The following DNAH12 variants were observed in gnomAD, a reference collection of about 807,000 sequenced individuals.
DNAH12 encodes dynein axonemal heavy chain 12.
DNAH12 carries 285 observed loss-of-function variants against 371.5 expected under a neutral mutation model. The observed-to-expected ratio is 0.77, with a 90% CI of 0.70 to 0.85. The LOEUF is 0.85. DNAH12 is among the 40% of genes least tolerant of loss of function. DNAH12 has a pLI of 0.00. For synonymous variants in DNAH12, 1,200 were observed against 1,213.0 expected (o/e 0.99, Z 0.22); for missense variants, 3,611 against 3,689.4 (o/e 0.98, Z 0.55).
At chr3:57,301,685 CA>C in intron 70 of DNAH12, 49 bp downstream of exon 70, 3 of 94,964 alleles carry the variant, frequency 3.2e-5, no homozygotes, top group Non-Finnish European at 4.2e-5. Flanking sequence ...TTTACACACA[CA>C]CACACACACA....
At chr3:57,298,660 T>C (rs566561817) in intron 70 of DNAH12, among the ~76,000 whole-genome samples, 7 of 152,384 alleles carry the variant, frequency 4.6e-5, no homozygotes, top group Admixed American at 4.6e-4. Context: ...TTCTTTGCAG[T>C]ATCTAAACCA....
chr3:57,513,284 G>T (rs764776207), intron 4 of DNAH12, among the ~76,000 whole-genome samples: 8 of 152,034 alleles, frequency 5.3e-5, no homozygotes, highest in Non-Finnish European at 1.0e-4. Flanking sequence ...ACCAAACACC[G>T]CATGTTCTCA....
intron 45 of DNAH12, among the ~76,000 whole-genome samples, chr3:57,390,450 T>TATATATATATATATATATATAC (rs1559608977): frequency 1.3e-4 from 6 of 46,500 alleles, no homozygotes; most frequent in East Asian, 3.1e-3. Context: ...TATATATATA[T>TATATATATATATATATATATAC]ACTTAGACCA....
chr3:57,454,544 G>A (rs918800068), intron 23 of DNAH12, among the ~76,000 whole-genome samples: 19 of 151,736 alleles, frequency 1.3e-4, no homozygotes, highest in Admixed American at 8.5e-4. Flanking sequence ...CAGACGTATT[G>A]TCTTTGCAAA....
chr3:57,396,902 A>T (rs1434394748), intron 43 of DNAH12, among the ~76,000 whole-genome samples: 1 of 152,188 alleles, frequency 6.6e-6, no homozygotes, highest in African/African-American at 2.4e-5. Flanking sequence ...ACGGGCACCT[A>T]TAATTCCAGC....
chr3:57,406,276 G>A (rs1002357441), intron 40 of DNAH12, among the ~76,000 whole-genome samples: 1 of 151,466 alleles, frequency 6.6e-6, no homozygotes, highest in East Asian at 1.9e-4. Flanking sequence ...GCTTGAACCC[G>A]GGAGGTGGAG....
chr3:57,354,086 A>G (rs1337415707), intron 59 of DNAH12, among the ~76,000 whole-genome samples: 1 of 152,008 alleles, frequency 6.6e-6, no homozygotes, highest in Non-Finnish European at 1.5e-5. Context: ...TCATCACAGT[A>G]CTATTCACAA....
At chr3:57,534,345 G>A (rs1330497004) in intron 2 of DNAH12, among the ~76,000 whole-genome samples, 1 of 151,896 alleles carries the variant, frequency 6.6e-6, no homozygotes, top group Admixed American at 6.6e-5. Flanking sequence ...TGATTTTTTG[G>A]TTCTTATGAA....
chr3:57,334,662 A>G, intron 61 of DNAH12, 53 bp from the exon 62 acceptor site: 3 of 1,514,468 alleles, frequency 2.0e-6, no homozygotes, highest in Non-Finnish European at 2.6e-6. Flanking sequence ...AACTTAAAAG[A>G]GATTGTTGAA....
chr3:57,381,389 C>A (rs898653449), intron 50 of DNAH12, among the ~76,000 whole-genome samples: 2 of 151,704 alleles, frequency 1.3e-5, no homozygotes, highest in Non-Finnish European at 2.9e-5. Flanking sequence ...ATTAGAAAAA[C>A]CTGAAAATAA....
chr3:57,518,854 C>A (rs1397284592), intron 4 of DNAH12, among the ~76,000 whole-genome samples: 1 of 152,064 alleles, frequency 6.6e-6, no homozygotes, highest in African/African-American at 2.4e-5. Flanking sequence ...GCAAAAAAGT[C>A]TCTGGGAGTC....
chr3:57,323,735 A>G (rs749834426), intron 62 of DNAH12, 116 bp from the exon 63 acceptor site: 5 of 1,067,398 alleles, frequency 4.7e-6, no homozygotes, highest in Non-Finnish European at 6.4e-6. Flanking sequence ...AAAAAAGCAT[A>G]TAGCATCATA....
chr3:57,458,149 A>G lies in DNAH12; in HGVS notation c.3003T>C (p.Ile1001=). The G allele has an allele frequency of 6.5e-7, 1 of 1,550,184 alleles. No homozygotes were observed. The highest frequency in any genetic ancestry group is 8.7e-7 in the Non-Finnish European group (1 of 1,146,632). ...LQNCNELLEK[I]MKGLNAYLEK... Reference sequence around the variant, plus strand: ...CAAGATATGCGTTAAGACCTTTCATAATTTTCTCCAAAAGTTCATTGCAGT... The same window carrying G: ...CAAGATATGCGTTAAGACCTTTCATGATTTTCTCCAAAAGTTCATTGCAGT... Residue 1001 remains isoleucine, a synonymous_variant, in exon 21 of 74, where the codon ATT becomes ATC. Transcript: ENST00000495027.
chr3:57,470,592 A>C lies in DNAH12; in HGVS notation c.1956T>G (p.Ser652=). The C allele has an allele frequency of 6.5e-7, 1 of 1,545,102 alleles. No homozygotes were observed. The highest frequency in any genetic ancestry group is 8.7e-7 in the Non-Finnish European group (1 of 1,145,674). The change falls in exon 16 of 74, where the codon TCT becomes TCG. Residue 652 remains serine (S), a synonymous_variant. Transcript: ENST00000495027. The part of the protein sequence containing the change: ...VRQLQKRIQE[S]EEAVQFINKE... ...TATTAATAAACTGCACTGCTTCTTC[A>C]GATTCCTGAATACGTTTTTGTAGTT... is the stretch of plus-strand genomic sequence containing the variant.
intron 13 of DNAH12, among the ~76,000 whole-genome samples, chr3:57,482,757 T>A (rs561627888): frequency 7.8e-4 from 118 of 151,946 alleles, no homozygotes; most frequent in Admixed American, 1.7e-3. Flanking sequence ...AAAGGATGAG[T>A]TAATGTCCTT....
chr3:57,484,797 A>G (rs1201913461), intron 12 of DNAH12, among the ~76,000 whole-genome samples: 1 of 152,212 alleles, frequency 6.6e-6, no homozygotes, highest in East Asian at 1.9e-4. Context: ...GCCTCCAACA[A>G]AAGACTAGTA....
In DNAH12 at chr3:57,530,589, T is replaced by G. The variant is rs2068806211; in HGVS notation, c.171-6705A>C. The G allele has an allele frequency of 4.7e-6, 3 of 635,140 alleles. No homozygotes were observed. In the South Asian group the frequency reaches 5.3e-5, roughly 11 times the overall value. The allele number at this position is 635,140 out of a possible 1,614,324, so 39.3% of individuals were successfully genotyped here. On this transcript the variant is annotated intron_variant, in intron 2 of 73. Transcript: ENST00000495027. ...AATCTCTTCCTCCTCAGGAGTCAGC[T>G]TGGCCCCCTTCTTGCAGCCCAGGGA...
chr3:57,358,053 A>G (rs1300900762), intron 58 of DNAH12, among the ~76,000 whole-genome samples: 30 of 152,156 alleles, frequency 2.0e-4, no homozygotes, highest in Admixed American at 2.0e-3. Context: ...ATTCCAACTC[A>G]CTCTTCTTTC....
rs71088054 is a variant in DNAH12, at chr3:57,301,265, C to CAA, written c.11394+468_11394+469dup. Among the ~76,000 whole-genome samples, 56 of 43,044 alleles carry CAA rather than the reference C, an allele frequency of 1.3e-3. 6 individuals are homozygous for CAA. The highest frequency in any genetic ancestry group is 3.4e-3 in the South Asian group (3 of 878). 28.2% of individuals were successfully genotyped at this position (43,044 alleles called of 152,430 possible). On this transcript the variant is annotated intron_variant, in intron 70 of 73. Transcript: ENST00000495027. ...TGGATGACAGAGCAAGACCCTGTCT[C>CAA]AAAAAAAAAAAAAAAAAAAAAAAAA...
Sources: allele counts gnomAD v4.1 joint callset (sites outside exome capture counted in the v4.1 genomes callset), GRCh38; gene constraint gnomAD v4.1.1; transcripts MANE v1.5; gene names NCBI Gene and HGNC (gene_info 2026-07-23, HGNC 2026-07-21).